The following DESI2 variants were observed in gnomAD, a reference collection of about 807,000 sequenced individuals.
DESI2 encodes deubiquitinase DESI2.
Under a neutral mutation model 24.1 loss-of-function variants are expected in DESI2, and 10 were observed. The ratio of observed to expected loss-of-function variants is 0.41; its 90% CI spans 0.26 to 0.70. DESI2 has a LOEUF of 0.70. Among genes scored for constraint, DESI2 ranks in the 30% least tolerant of loss-of-function variants. The pLI, the probability that DESI2 is intolerant of heterozygous loss-of-function variation, is 0.29. For synonymous variants in DESI2, 71 were observed against 87.7 expected (o/e 0.81, Z 1.06); for missense variants, 122 against 234.9 (o/e 0.52, Z 3.14).
At chr1:244,703,697 T>C (rs950673181) in intron 4 of DESI2, among the ~76,000 whole-genome samples, 5 of 150,922 alleles carry the variant, frequency 3.3e-5, no homozygotes, top group Admixed American at 2.6e-4. Context: ...CTTGCTCTGT[T>C]GCCCCGGCTG....
At chr1:244,697,164 C>T (rs988203961) in intron 4 of DESI2, among the ~76,000 whole-genome samples, 1 of 152,074 alleles carries the variant, frequency 6.6e-6, no homozygotes, top group African/African-American at 2.4e-5. Context: ...TGAGTCCTAG[C>T]AAATCACCAA....
At position 244,705,978 on chromosome 1, in the gene DESI2, G is replaced by GA; in HGVS notation, c.*189_*190insA. The GA allele has an allele frequency of 1.7e-6, 1 of 572,180 alleles. No homozygotes were observed. Among genetic ancestry groups the GA allele is most frequent in the Non-Finnish European group, 3.1e-6 (1 of 323,076 alleles). 35.4% of individuals were successfully genotyped at this position (572,180 alleles called of 1,614,324 possible). A position where few individuals can be genotyped will look rare whatever the true frequency, so the allele number is the denominator to read the frequency against. ...CACTTGGCGCAGGAGGGAGAACTTT[G>GA]TAAGAAGCTGCCCTCTGTTTTTTTT... On this transcript the variant is annotated 3_prime_UTR_variant, in exon 5 of 5. Coordinates refer to ENST00000302550, the MANE Select transcript of DESI2 (RefSeq NM_016076.5).
At chr1:244,661,557 C>T (rs1003295494) in intron 1 of DESI2, among the ~76,000 whole-genome samples, 5 of 152,020 alleles carry the variant, frequency 3.3e-5, no homozygotes, top group African/African-American at 7.3e-5. Context: ...TATCCCTCCC[C>T]GCTCCCCCCA....
At chr1:244,682,867 AAAAC>A (rs1241767914) in intron 1 of DESI2, among the ~76,000 whole-genome samples, 1 of 152,186 alleles carries the variant, frequency 6.6e-6, no homozygotes, top group Non-Finnish European at 1.5e-5. Context: ...AAAAAAAAAA[AAAAC>A]TCAGTGATAT....
At position 244,707,860 on chromosome 1, in the gene DESI2, C is replaced by G. The variant is rs1677772474; in HGVS notation, c.*2071C>G. The G allele has an allele frequency of 6.6e-6, 1 of 152,204 alleles. No individual in the cohort carries two copies. Among genetic ancestry groups the G allele is most frequent in the African/African-American group, 2.4e-5 (1 of 41,460 alleles). 9.4% of individuals were successfully genotyped at this position (152,204 alleles called of 1,614,324 possible). On this transcript the variant is annotated 3_prime_UTR_variant, in exon 5 of 5. Coordinates refer to ENST00000302550, the MANE Select transcript of DESI2 (RefSeq NM_016076.5). ...TTGCATTTGTTGTATTTACTTTCAT[C>G]TGCAGCATTTGGAGTTTAAAAATAA...
intron 4 of DESI2, chr1:244,694,332 G>A: frequency 2.0e-6 from 1 of 511,420 alleles, no homozygotes; most frequent in South Asian, 1.6e-5. Flanking sequence ...AGTATTATAT[G>A]GTGACATGTA....
intron 1 of DESI2, among the ~76,000 whole-genome samples, chr1:244,658,649 A>G (rs1039276094): frequency 6.4e-5 from 7 of 108,588 alleles, no homozygotes; most frequent in African/African-American, 2.7e-4. Flanking sequence ...GCTGGTTTTT[A>G]TTAGGAGAGT....
At chr1:244,688,359 T>C (rs1573215503) in intron 2 of DESI2, among the ~76,000 whole-genome samples, 2 of 152,238 alleles carry the variant, frequency 1.3e-5, no homozygotes, top group East Asian at 1.9e-4. Context: ...ATAGCCACTT[T>C]ATTTCTCAAA....
chr1:244,696,169 ATTATG>A (rs1422945337), intron 4 of DESI2, among the ~76,000 whole-genome samples: 1 of 152,224 alleles, frequency 6.6e-6, no homozygotes, highest in Admixed American at 6.5e-5. Context: ...AACTCCTAAA[ATTATG>A]TTATCACTCC....
intron 1 of DESI2, among the ~76,000 whole-genome samples, chr1:244,675,353 A>G (rs1676382858): frequency 6.6e-6 from 1 of 152,138 alleles, no homozygotes; most frequent in Non-Finnish European, 1.5e-5. Flanking sequence ...ATATCTATGA[A>G]GCCATTGCGT....
intron 1 of DESI2, among the ~76,000 whole-genome samples, chr1:244,682,270 G>A (rs917440678): frequency 2.6e-5 from 4 of 152,092 alleles, no homozygotes; most frequent in African/African-American, 9.7e-5. Context: ...AGTGCTGATT[G>A]GTCTGTTTTT....
rs1305498757 is a variant in DESI2, at chr1:244,707,547, A to G, written c.*1758A>G. 9.8e-5 allele frequency: 15 copies of G among 152,582 alleles called. No individual in the cohort carries two copies. The highest frequency in any genetic ancestry group is 9.8e-4 in the Admixed American group (15 of 15,270). The allele number at this position is 152,582 out of a possible 1,614,324, so 9.5% of individuals were successfully genotyped here. ...TCAGGTCTAAAAATGAGGGCAAAAC[A>G]CTAAGGCTCTAGCAGTGACTTGTTC... On this transcript the variant is annotated 3_prime_UTR_variant, in exon 5 of 5. Transcript: ENST00000302550.
intron 2 of DESI2, among the ~76,000 whole-genome samples, chr1:244,688,483 G>C (rs1046181984): frequency 3.3e-5 from 5 of 152,246 alleles, no homozygotes; most frequent in African/African-American, 1.2e-4. Flanking sequence ...AAGTGATGAA[G>C]TTGATTTAAG....
chr1:244,676,319 C>T lies in DESI2; in HGVS notation c.43-10278C>T, dbSNP rs575960404. 3.4e-4 allele frequency among the ~76,000 whole-genome samples: 52 copies of T among 152,100 alleles called. 1 individual carries two copies. In the South Asian group the frequency reaches 8.5e-3, roughly 25 times the overall value. On this transcript the variant is annotated intron_variant, in intron 1 of 4. Transcript: ENST00000302550. ...TCTCAATCTCCTGACCTCCGTGATC[C>T]GCCCGCCTCAGCCTCCCAAAGTGCT... is the stretch of plus-strand genomic sequence containing the variant.
At chr1:244,653,907 T>C (rs1340069566) in intron 1 of DESI2, 5 of 471,088 alleles carry the variant, frequency 1.1e-5, no homozygotes, top group Non-Finnish European at 1.8e-5. Context: ...TCCTTGTGTG[T>C]TAAAGGCAAC....
At chr1:244,655,656 A>G (rs553936471) in intron 1 of DESI2, among the ~76,000 whole-genome samples, 2 of 152,354 alleles carry the variant, frequency 1.3e-5, no homozygotes, top group African/African-American at 4.8e-5. Context: ...GGAGGAGACT[A>G]TGTAGTTGTA....
chr1:244,689,405 C>A lies in DESI2; in HGVS notation c.209+63C>A. Reference sequence around the variant, plus strand: ...GTGCCATAGCTTGTTTTCAGGTATACAGAATTCATTCTGTAAATCAAAACA... The same window carrying A: ...GTGCCATAGCTTGTTTTCAGGTATAAAGAATTCATTCTGTAAATCAAAACA... On this transcript the variant is annotated intron_variant, in intron 3 of 4. Coordinates refer to ENST00000302550, the MANE Select transcript of DESI2 (RefSeq NM_016076.5). This position sits in a 1 kb window ranked among gnomAD's most constrained non-coding sequence, Gnocchi z 4.0. 1 of 770,146 alleles carries A rather than the reference C, an allele frequency of 1.3e-6. No individual in the cohort carries two copies. The allele number at this position is 770,146 out of a possible 1,614,324, so 47.7% of individuals were successfully genotyped here. A position where few individuals can be genotyped will look rare whatever the true frequency, so the allele number is the denominator to read the frequency against.
At chr1:244,690,231 C>A (rs112493744) in intron 3 of DESI2, among the ~76,000 whole-genome samples, 5 of 152,216 alleles carry the variant, frequency 3.3e-5, no homozygotes, top group African/African-American at 1.2e-4. Context: ...GCTCCCACCC[C>A]GCGACAGGCC....
intron 4 of DESI2, 88 bp from the exon 5 acceptor site, chr1:244,705,467 GC>G (rs1295749866): frequency 2.4e-5 from 27 of 1,102,618 alleles, no homozygotes; most frequent in Non-Finnish European, 3.3e-5. Context: ...TCTGTACGCC[GC>G]CCCCCTCCTC....
Sources: allele counts gnomAD v4.1 joint callset (sites outside exome capture counted in the v4.1 genomes callset), GRCh38; gene constraint gnomAD v4.1.1; non-coding constraint Gnocchi (gnomAD v3.1); transcripts MANE v1.5; gene names NCBI Gene and HGNC (gene_info 2026-07-23, HGNC 2026-07-21).